The following SORCS2 variants were observed in gnomAD, a reference collection of about 807,000 sequenced individuals.
SORCS2 encodes sortilin related VPS10 domain containing receptor 2.
In SORCS2, 100 loss-of-function variants were observed where a neutral mutation model predicts 141.6. The ratio of observed to expected loss-of-function variants is 0.71; its 90% confidence interval spans 0.60 to 0.83. The LOEUF is 0.83. SORCS2 is among the 40% of genes least tolerant of loss of function. The pLI, the probability that SORCS2 is intolerant of heterozygous loss-of-function variation, is 0.00. For synonymous variants in SORCS2, 789 were observed against 676.9 expected (o/e 1.17, Z -2.57); for missense variants, 1,646 against 1,560.2 (o/e 1.05, Z -0.93).
chr4:7,525,665 T>G (rs1733622542), intron 2 of SORCS2, among the ~76,000 whole-genome samples: 1 of 151,966 alleles, frequency 6.6e-6, no homozygotes, highest in Non-Finnish European at 1.5e-5. Context: ...ACCTCCTCAG[T>G]CACCTGTCCC....
chr4:7,316,800 G>A (rs896589823), intron 1 of SORCS2, among the ~76,000 whole-genome samples: 4 of 152,188 alleles, frequency 2.6e-5, no homozygotes, highest in South Asian at 2.1e-4. Flanking sequence ...ACACTCCCCC[G>A]TGGAGGAATC....
rs575519882 is a variant in SORCS2, at chr4:7,382,614, C to T, written c.481-13674C>T. On this transcript the variant is annotated intron_variant, in intron 1 of 26. Transcript: ENST00000507866. ...CATGCCTGTATGTTTAGTACTTTCC[C>T]GAAATTCTTAACAGGGTCCACAGCT... Among the ~76,000 whole-genome samples the T allele has an allele frequency of 5.9e-5, 9 of 152,268 alleles. No individual in the cohort carries two copies. In the East Asian group the frequency reaches 9.7e-4, roughly 16 times the overall value.
At chr4:7,388,038 GCACACACACATGCA>G (rs1723576321) in intron 1 of SORCS2, among the ~76,000 whole-genome samples, 1 of 104,786 alleles carries the variant, frequency 9.5e-6, no homozygotes, top group Non-Finnish European at 1.9e-5. Context: ...ACGCACACAT[GCACACACACATGCA>G]CACACATACA....
intron 19 of SORCS2, among the ~76,000 whole-genome samples, chr4:7,724,513 ATGG>A (rs1465204732): frequency 3.5e-4 from 32 of 91,858 alleles, no homozygotes; most frequent in Admixed American, 2.4e-3. Flanking sequence ...GGTGGTGGTG[ATGG>A]TGGTGATAGG....
rs202044921 is a variant in SORCS2 at position 7,434,751 on chromosome 4, G to A, written c.548+38396G>A. 98 of 1,612,878 alleles carry A rather than the reference G, an allele frequency of 6.1e-5. No homozygotes were observed. In the African/African-American group the frequency reaches 9.1e-4, roughly 15 times the overall value. Reference sequence around the variant, plus strand: ...CCCCTTGGCAGTACCCCACAGCCCCGCACCTGGCAGCTGTCTGCAGATCCT... The same window carrying A: ...CCCCTTGGCAGTACCCCACAGCCCCACACCTGGCAGCTGTCTGCAGATCCT... On this transcript the variant is annotated intron_variant, in intron 2 of 26. Transcript: ENST00000507866.
At chr4:7,253,212 AC>A (rs1470572772) in intron 1 of SORCS2, among the ~76,000 whole-genome samples, 1 of 152,130 alleles carries the variant, frequency 6.6e-6, no homozygotes, top group Non-Finnish European at 1.5e-5. Flanking sequence ...CCTGTCTCAG[AC>A]TCCCTTGTCC....
rs60884163 is a variant in SORCS2, at chr4:7,373,458, T to TA, written c.481-22830_481-22829insA. On this transcript the variant is annotated intron_variant, in intron 1 of 26. Transcript: ENST00000507866. Reference sequence around the variant, plus strand: ...TGTTGTATTGAATTGTGAGAAACTTTTATATATATATATATATATATTTTT... The same window carrying TA: ...TGTTGTATTGAATTGTGAGAAACTTTATATATATATATATATATATATTTTT... Among the ~76,000 whole-genome samples the TA allele has an allele frequency of 1.6e-3, 136 of 82,810 alleles. 23 individuals carry two copies. Among genetic ancestry groups the TA allele is most frequent in the Middle Eastern group, 9.5e-3 (2 of 210 alleles). 54.3% of individuals were successfully genotyped at this position (82,810 alleles called of 152,430 possible).
intron 23 of SORCS2, among the ~76,000 whole-genome samples, chr4:7,732,905 C>T (rs1446790627): frequency 8.6e-5 from 13 of 152,002 alleles, no homozygotes; most frequent in Non-Finnish European, 7.4e-5. Flanking sequence ...CCTGCCCAGC[C>T]CCATGGCTCC....
rs550172216 is a variant in SORCS2, at chr4:7,485,941, C to G, written c.549-45589C>G. On this transcript the variant is annotated intron_variant, in intron 2 of 26. Coordinates refer to ENST00000507866, the MANE Select transcript of SORCS2 (RefSeq NM_020777.3). ...CCTCTGTGCTGGCCACAGGGAAATG[C>G]CCTAAACCCAGCGGGCTGGGGGCAC... is the stretch of plus-strand genomic sequence containing the variant. Among the ~76,000 whole-genome samples, 3 of 152,286 alleles carry G rather than the reference C, an allele frequency of 2.0e-5. No homozygotes were observed. The South Asian group carries it at 6.2e-4, about 32-fold the overall frequency.
chr4:7,685,990 C>A (rs10006752), intron 10 of SORCS2, among the ~76,000 whole-genome samples: 97 of 152,302 alleles, frequency 6.4e-4, no homozygotes, highest in African/African-American at 1.9e-3. Flanking sequence ...AATAACTGGG[C>A]ATTTTTGTTC....
At chr4:7,297,408 G>GC (rs1717149493) in intron 1 of SORCS2, among the ~76,000 whole-genome samples, 1 of 151,878 alleles carries the variant, frequency 6.6e-6, no homozygotes, top group South Asian at 2.1e-4. Flanking sequence ...GCAGGCCCCC[G>GC]CCCCTCCCCC....
chr4:7,361,011 G>A (rs1206131247), intron 1 of SORCS2, among the ~76,000 whole-genome samples: 1 of 152,056 alleles, frequency 6.6e-6, no homozygotes, highest in Non-Finnish European at 1.5e-5. Context: ...GCAACTGGAA[G>A]CTCCCTGGAG....
At chr4:7,693,885 G>C (rs1267493696) in intron 11 of SORCS2, among the ~76,000 whole-genome samples, 1 of 152,236 alleles carries the variant, frequency 6.6e-6, no homozygotes, top group Non-Finnish European at 1.5e-5. Flanking sequence ...TGAGGGGCCT[G>C]GGTGGGGTTG....
rs540192111 is a variant in SORCS2 at position 7,564,930 on chromosome 4, A to G, written c.648+33301A>G. Among the ~76,000 whole-genome samples, 8 of 152,192 alleles carry G rather than the reference A, an allele frequency of 5.3e-5. No individual in the cohort carries two copies. The South Asian group carries it at 1.7e-3, about 32-fold the overall frequency. ...CAGGCTTACTTTTTCTGACCTCACC[A>G]CAGGAGCTGAACTTTGGAAGTGGCC... On this transcript the variant is annotated intron_variant, in intron 3 of 26. Transcript: ENST00000507866.
chr4:7,719,944 G>T (rs968037757), intron 18 of SORCS2, among the ~76,000 whole-genome samples: 1 of 152,146 alleles, frequency 6.6e-6, no homozygotes, highest in African/African-American at 2.4e-5. Flanking sequence ...ACCCCACTGT[G>T]CACCTACTGT....
At chr4:7,263,659 G>T (rs1268457486) in intron 1 of SORCS2, among the ~76,000 whole-genome samples, 1 of 152,220 alleles carries the variant, frequency 6.6e-6, no homozygotes, top group Non-Finnish European at 1.5e-5. Context: ...ATGTCAAAGT[G>T]GCTGGGGCAC....
At chr4:7,354,428 C>A (rs1721128966) in intron 1 of SORCS2, among the ~76,000 whole-genome samples, 1 of 152,080 alleles carries the variant, frequency 6.6e-6, no homozygotes, top group South Asian at 2.1e-4. Flanking sequence ...ATACAGCCAG[C>A]CCCAGCTCCC....
intron 2 of SORCS2, among the ~76,000 whole-genome samples, chr4:7,437,563 G>T (rs539445342): frequency 6.6e-6 from 1 of 152,148 alleles, no homozygotes; most frequent in Non-Finnish European, 1.5e-5. Flanking sequence ...CCCCATCAGA[G>T]GCCATCTAGG....
At chr4:7,308,285 C>G (rs1015066556) in intron 1 of SORCS2, among the ~76,000 whole-genome samples, 1 of 152,164 alleles carries the variant, frequency 6.6e-6, no homozygotes, top group Non-Finnish European at 1.5e-5. Flanking sequence ...GCACCCCCAC[C>G]ACCGCCTCCA....
Sources: gnomAD v4.1 joint callset for allele counts (sites outside exome capture counted in the v4.1 genomes callset) on GRCh38, gnomAD v4.1.1 for gene constraint, MANE v1.5 for transcripts, NCBI Gene and HGNC (gene_info 2026-07-23, HGNC 2026-07-21) for gene names.